The following RALA variants were observed in gnomAD, a reference collection of about 807,000 sequenced individuals.
RALA encodes the protein ras-related protein Ral-A.
Under a neutral mutation model 24.0 loss-of-function variants are expected in RALA, and 5 were observed. The ratio of observed to expected loss-of-function variants is 0.21; its 90% CI spans 0.11 to 0.44. The LOEUF is 0.44. Among genes scored for constraint, RALA ranks in the 20% least tolerant of loss-of-function variants. The probability of loss-of-function intolerance (pLI) is 0.99; values close to 1 mark genes in which losing one functional copy is unlikely to be tolerated. For synonymous variants in RALA, 77 were observed against 83.8 expected (o/e 0.92, Z 0.44); for missense variants, 95 against 241.2 (o/e 0.39, Z 4.01).
At chr7:39,632,770 C>G (rs575759328) in intron 1 of RALA, among the ~76,000 whole-genome samples, 9 of 152,284 alleles carry the variant, frequency 5.9e-5, no homozygotes, top group African/African-American at 2.2e-4. Flanking sequence ...GAGCTGAGAT[C>G]ATGCCACTGC....
intron 1 of RALA, among the ~76,000 whole-genome samples, chr7:39,682,305 TTGCTGC>T (rs143125070): frequency 0.062 from 9,381 of 151,526 alleles, 370 homozygotes; most frequent in Non-Finnish European, 0.087. Flanking sequence ...GGTAATACCA[TTGCTGC>T]TGCTGCTGCT....
intron 1 of RALA, among the ~76,000 whole-genome samples, chr7:39,631,367 C>T (rs1791596192): frequency 6.7e-6 from 1 of 150,048 alleles, no homozygotes; most frequent in Non-Finnish European, 1.5e-5. Context: ...GAACTGACAT[C>T]TTTTTTTTGG....
chr7:39,638,544 G>A (rs1791725104), intron 1 of RALA, among the ~76,000 whole-genome samples: 2 of 152,164 alleles, frequency 1.3e-5, no homozygotes, highest in Admixed American at 6.5e-5. Context: ...CTGGGCTCAA[G>A]CATTCCTCCC....
chr7:39,702,649 A>G (rs929469915), intron 4 of RALA, among the ~76,000 whole-genome samples: 2 of 152,244 alleles, frequency 1.3e-5, no homozygotes, highest in African/African-American at 2.4e-5. Context: ...AGAAAATGTG[A>G]TAGATATACA....
intron 1 of RALA, among the ~76,000 whole-genome samples, chr7:39,662,877 G>A (rs1792217553): frequency 6.6e-6 from 1 of 152,134 alleles, no homozygotes; most frequent in Admixed American, 6.6e-5. Flanking sequence ...TTTTCATGCT[G>A]CTGATAAAGA....
chr7:39,701,487 G>A (rs972060467), intron 4 of RALA, among the ~76,000 whole-genome samples: 2 of 152,170 alleles, frequency 1.3e-5, no homozygotes, highest in Admixed American at 6.5e-5. Flanking sequence ...CCTCCAGCCT[G>A]GGTAATGGGA....
Position 39,624,326 on chromosome 7 carries a change from G to C in RALA, c.-38+501G>C, listed in dbSNP as rs971143459. The C allele has an allele frequency of 4.3e-5, 3 of 68,984 alleles. No homozygotes were observed. In the East Asian group the frequency reaches 1.2e-3, roughly 28 times the overall value. The allele number at this position is 68,984 out of a possible 1,614,324, so 4.3% of individuals were successfully genotyped here. On this transcript the variant is annotated intron_variant, in intron 1 of 4. Transcript: ENST00000005257. ...TTTGTTTGTGTTTTTTTTTTTTTTT[G>C]CCAGTTAAAGGAATGGTTTTTCAGA...
intron 1 of RALA, among the ~76,000 whole-genome samples, chr7:39,683,706 A>G (rs1458625009): frequency 6.6e-6 from 1 of 152,146 alleles, no homozygotes; most frequent in Non-Finnish European, 1.5e-5. Flanking sequence ...TTATTAGGAA[A>G]TGTTTGCACT....
intron 1 of RALA, among the ~76,000 whole-genome samples, chr7:39,651,845 G>A (rs1792023326): frequency 6.6e-6 from 1 of 152,044 alleles, no homozygotes; most frequent in Non-Finnish European, 1.5e-5. Flanking sequence ...ATTTTTAAAC[G>A]ACTGTTTTAT....
intron 1 of RALA, among the ~76,000 whole-genome samples, chr7:39,654,314 C>G (rs536420518): frequency 1.3e-5 from 2 of 152,288 alleles, no homozygotes; most frequent in African/African-American, 4.8e-5. Flanking sequence ...ATTTAATCAG[C>G]TCAGTCTCCA....
At chr7:39,632,905 A>G (rs1461601620) in intron 1 of RALA, among the ~76,000 whole-genome samples, 2 of 152,368 alleles carry the variant, frequency 1.3e-5, no homozygotes, top group East Asian at 3.9e-4. Flanking sequence ...AGTGCATGGT[A>G]GGAAAATACG....
chr7:39,695,165 C>T (rs969731567), intron 3 of RALA, among the ~76,000 whole-genome samples: 3 of 151,842 alleles, frequency 2.0e-5, no homozygotes, highest in Non-Finnish European at 2.9e-5. Flanking sequence ...AAAATATAGT[C>T]GTCCCTCAGT....
chr7:39,662,746 T>G (rs1420658074), intron 1 of RALA, among the ~76,000 whole-genome samples: 1 of 152,200 alleles, frequency 6.6e-6, no homozygotes, highest in Non-Finnish European at 1.5e-5. Flanking sequence ...CTGTCTTCTT[T>G]GGAGCCCTCC....
chr7:39,632,505 G>A (rs753262733), intron 1 of RALA, among the ~76,000 whole-genome samples: 5 of 152,126 alleles, frequency 3.3e-5, no homozygotes, highest in Non-Finnish European at 5.9e-5. Flanking sequence ...ACAGTCCTTC[G>A]CTGTGTCTTT....
rs941096370 is a variant in RALA, at chr7:39,706,433, A to C, written c.*188A>C. On this transcript the variant is annotated 3_prime_UTR_variant, in exon 5 of 5. Transcript: ENST00000005257. ...AAAAAGAAATTAATATGGCTTCACC[A>C]AGAAGCAAAGTTCAACTTATTTCAT... The C allele has an allele frequency of 1.8e-6, 1 of 550,848 alleles. No individual in the cohort carries two copies. The allele number at this position is 550,848 out of a possible 1,614,324, so 34.1% of individuals were successfully genotyped here.
intron 1 of RALA, among the ~76,000 whole-genome samples, chr7:39,625,330 G>A (rs561452527): frequency 6.6e-6 from 1 of 152,202 alleles, no homozygotes; most frequent in African/African-American, 2.4e-5. Context: ...ATTATAACTT[G>A]TATTCTAGTG....
intron 1 of RALA, among the ~76,000 whole-genome samples, chr7:39,638,510 A>G (rs1791724568): frequency 6.6e-6 from 1 of 152,124 alleles, no homozygotes; most frequent in Non-Finnish European, 1.5e-5. Flanking sequence ...GTTTATCATC[A>G]TGTCTCCCTG....
At chr7:39,633,968 A>G (rs1791643130) in intron 1 of RALA, among the ~76,000 whole-genome samples, 1 of 152,192 alleles carries the variant, frequency 6.6e-6, no homozygotes, top group Non-Finnish European at 1.5e-5. Context: ...GTAGATTCTT[A>G]TAATTTCAAG....
intron 1 of RALA, among the ~76,000 whole-genome samples, chr7:39,638,760 G>GT (rs1791728962): frequency 6.6e-6 from 1 of 152,218 alleles, no homozygotes; most frequent in Non-Finnish European, 1.5e-5. Flanking sequence ...TTGTTTATCT[G>GT]TTTATCAGTT....
Sources: allele counts gnomAD v4.1 joint callset (sites outside exome capture counted in the v4.1 genomes callset), GRCh38; gene constraint gnomAD v4.1.1; transcripts MANE v1.5; gene names NCBI Gene and HGNC (gene_info 2026-07-23, HGNC 2026-07-21).